WDPCP: variants seen among roughly 807,000 people sequenced by gnomAD.
WDPCP encodes the protein WD repeat containing planar cell polarity effector.
WDPCP carries 71 observed loss-of-function variants against 93.1 expected under a neutral mutation model. That is an observed-to-expected ratio of 0.76 (90% confidence interval 0.63 to 0.93). The LOEUF is 0.93. Ranked by LOEUF, WDPCP falls within the 40% of genes least tolerant of loss-of-function variation. WDPCP has a pLI of 0.00. For missense variants in WDPCP, 844 were observed against 887.4 expected (o/e 0.95, Z 0.62); for synonymous variants, 315 against 315.0 (o/e 1.00, Z 0.00).
chr2:63,644,447 T>A (rs2106634524), intron 3 of WDPCP, among the ~76,000 whole-genome samples: 1 of 152,274 alleles, frequency 6.6e-6, no homozygotes, highest in African/African-American at 2.4e-5. Flanking sequence ...TTTCACCATG[T>A]TGGCCAGGCT....
intron 1 of WDPCP, among the ~76,000 whole-genome samples, chr2:63,535,050 A>G (rs1377698934): frequency 1.3e-5 from 2 of 152,200 alleles, no homozygotes; most frequent in African/African-American, 2.4e-5. Flanking sequence ...AATCACAAGC[A>G]TTCCTATACA....
At chr2:63,153,598 T>C in intron 15 of WDPCP, 24 bp from the exon 16 acceptor site, 1 of 1,581,656 alleles carries the variant, frequency 6.3e-7, no homozygotes, top group African/African-American at 1.3e-5. Context: ...GTGTTTTTAA[T>C]TGGAAAAAGG....
intron 2 of WDPCP, among the ~76,000 whole-genome samples, chr2:63,671,697 G>T (rs551580903): frequency 6.6e-6 from 1 of 151,970 alleles, no homozygotes; most frequent in Non-Finnish European, 1.5e-5. Flanking sequence ...ACAGGTGCAC[G>T]CCACCACACC....
chr2:63,355,003 CAT>C (rs1689907964), intron 12 of WDPCP, among the ~76,000 whole-genome samples: 1 of 152,162 alleles, frequency 6.6e-6, no homozygotes, highest in Non-Finnish European at 1.5e-5. Context: ...AGAAAGCAAA[CAT>C]GTGGAAAACA....
At chr2:63,403,987 CTTAA>C (rs1029346567) in intron 10 of WDPCP, 57 bp downstream of exon 10, 5 of 1,604,330 alleles carry the variant, frequency 3.1e-6, no homozygotes, top group African/African-American at 2.7e-5. Flanking sequence ...GTTTTATTGC[CTTAA>C]TTATGTCACT....
intron 1 of WDPCP, among the ~76,000 whole-genome samples, chr2:63,562,688 T>A (rs1706717610): frequency 6.6e-6 from 1 of 152,206 alleles, no homozygotes; most frequent in African/African-American, 2.4e-5. Flanking sequence ...TACTGTAAGG[T>A]AGAGCTTTCC....
chr2:63,575,369 A>ACT (rs1275811879), intron 1 of WDPCP, among the ~76,000 whole-genome samples: 8 of 118,138 alleles, frequency 6.8e-5, no homozygotes, highest in Admixed American at 9.2e-5. Context: ...CAGTATATAC[A>ACT]GTATATACAG....
intron 12 of WDPCP, among the ~76,000 whole-genome samples, chr2:63,377,496 TAC>T (rs1013024909): frequency 1.4e-4 from 21 of 151,140 alleles, no homozygotes; most frequent in African/African-American, 3.6e-4. Flanking sequence ...TGTGTATATA[TAC>T]ACAGTTTAAA....
intron 17 of WDPCP, among the ~76,000 whole-genome samples, chr2:63,133,270 C>G (rs954029986): frequency 3.9e-5 from 6 of 152,220 alleles, no homozygotes; most frequent in African/African-American, 1.4e-4. Flanking sequence ...TAGGGTCTCT[C>G]TGCAGCTTTC....
intron 12 of WDPCP, among the ~76,000 whole-genome samples, chr2:63,349,010 A>G (rs1013194168): frequency 2.0e-5 from 3 of 152,192 alleles, no homozygotes; most frequent in Non-Finnish European, 4.4e-5. Flanking sequence ...TCTCATGGCC[A>G]CTTATGGAAA....
At chr2:63,639,969 T>C (rs1354875396) in intron 3 of WDPCP, among the ~76,000 whole-genome samples, 1 of 152,194 alleles carries the variant, frequency 6.6e-6, no homozygotes, top group African/African-American at 2.4e-5. Context: ...CTTGGGCGCT[T>C]ATTCCAGAGA....
At chr2:63,732,308 G>C (rs1302110805) in intron 2 of WDPCP, among the ~76,000 whole-genome samples, 2 of 152,206 alleles carry the variant, frequency 1.3e-5, no homozygotes, top group African/African-American at 4.8e-5. Context: ...TAAAGACTAG[G>C]CTTATGCCCC....
At chr2:63,813,883 AAT>A (rs754306446) in intron 1 of WDPCP, among the ~76,000 whole-genome samples, 54 of 152,332 alleles carry the variant, frequency 3.5e-4, no homozygotes, top group African/African-American at 8.9e-4. Context: ...AATAAATACT[AAT>A]ATGTTTGCTG....
intron 1 of WDPCP, among the ~76,000 whole-genome samples, chr2:63,551,480 T>A (rs1705641531): frequency 6.6e-6 from 1 of 152,122 alleles, no homozygotes; most frequent in East Asian, 1.9e-4. Context: ...TGTGATACAA[T>A]GACAATGACT....
chr2:63,301,657 G>A (rs527724320), intron 13 of WDPCP, among the ~76,000 whole-genome samples: 4 of 152,184 alleles, frequency 2.6e-5, no homozygotes, highest in South Asian at 4.1e-4. Context: ...TGGGGGTCAC[G>A]CCAGCAACCA....
chr2:63,492,890 G>T lies in WDPCP; in HGVS notation c.126C>A (p.His42Gln). 1 of 1,613,580 alleles carries T rather than the reference G, an allele frequency of 6.2e-7. No homozygotes were observed. Among genetic ancestry groups the T allele is most frequent in the Non-Finnish European group, 8.5e-7 (1 of 1,179,886 alleles). Residue 42 changes from histidine to glutamine, a missense_variant, in exon 2 of 18, where the codon CAC (histidine) becomes CAA (glutamine). Transcript: ENST00000272321. ...GTAAGGTATTCTTCAAAGACCACAG[G>T]TGCAGTTCAGTCAAGCAGAAAGACA... ...HQMSFCLTELHLWSLKNTLHI... is the reference protein window; with the variant it reads ...HQMSFCLTELQLWSLKNTLHI...
intron 15 of WDPCP, among the ~76,000 whole-genome samples, chr2:63,172,771 C>T (rs1246731688): frequency 2.0e-5 from 3 of 152,122 alleles, no homozygotes; most frequent in Non-Finnish European, 4.4e-5. Flanking sequence ...TCTGGTACAT[C>T]GGAGCATGGA....
intron 2 of WDPCP, among the ~76,000 whole-genome samples, chr2:63,714,055 CTTTTTTT>C (rs747120283): frequency 7.4e-6 from 1 of 135,096 alleles, no homozygotes; most frequent in Non-Finnish European, 1.6e-5. Context: ...CTTTTTTATT[CTTTTTTT>C]TTTTTTTTTT....
At chr2:63,487,394 T>C (rs1700631923) in intron 3 of WDPCP, 53 bp downstream of exon 3, 12 of 1,293,108 alleles carry the variant, frequency 9.3e-6, no homozygotes, top group African/African-American at 1.5e-5. Flanking sequence ...CAGTATTTCA[T>C]GGTTTAGAAT....
Sources: gnomAD v4.1 joint callset for allele counts (sites outside exome capture counted in the v4.1 genomes callset) on GRCh38, gnomAD v4.1.1 for gene constraint, MANE v1.5 for transcripts, NCBI Gene and HGNC (gene_info 2026-07-23, HGNC 2026-07-21) for gene names.